Variants in PPIL6 observed in about 807,000 individuals in gnomAD.
PPIL6 encodes the protein peptidylprolyl isomerase like 6.
PPIL6 carries 39 observed loss-of-function variants against 36.8 expected under a neutral mutation model. The observed-to-expected ratio is 1.06, with a 90% CI of 0.82 to 1.38. The LOEUF (loss-of-function observed/expected upper bound fraction) is 1.38, where lower values mean the gene tolerates loss of function less well. Among genes scored for constraint, PPIL6 ranks in the 40% most tolerant of loss-of-function variants. The probability of loss-of-function intolerance (pLI) is 0.00; values close to 1 mark genes in which losing one functional copy is unlikely to be tolerated. For synonymous variants in PPIL6, 123 were observed against 134.1 expected (o/e 0.92, Z 0.57); for missense variants, 368 against 379.1 (o/e 0.97, Z 0.24).
In PPIL6 at chr6:109,390,490, C is replaced by T. The variant is rs573372482; in HGVS notation, c.*2336G>A. ...GGGTCAGTTGAGAATGTAACATAGG[C>T]GGTCTGCTTCCTCCCATCCACCTCA... On this transcript the variant is annotated 3_prime_UTR_variant, in exon 8 of 8. Transcript: ENST00000521072. 3.9e-5 allele frequency: 6 copies of T among 152,176 alleles called. No homozygotes were observed. The highest frequency in any genetic ancestry group is 7.3e-5 in the Non-Finnish European group (5 of 68,048). The allele number at this position is 152,176 out of a possible 1,614,324, so 9.4% of individuals were successfully genotyped here.
upstream of PPIL6, chr6:109,440,836 C>G: frequency 2.4e-6 from 1 of 415,214 alleles, no homozygotes; most frequent in Non-Finnish European, 4.2e-6. Flanking sequence ...GCTCTCCGGA[C>G]CCCCAGGGTC....
intron 1 of PPIL6, among the ~76,000 whole-genome samples, chr6:109,439,698 CATTA>C (rs772987644): frequency 3.3e-5 from 5 of 152,216 alleles, no homozygotes; most frequent in Non-Finnish European, 7.3e-5. Context: ...GAGTTAAAAA[CATTA>C]ATTAAGGCAT....
chr6:109,401,787 C>T (rs1024515390), intron 6 of PPIL6, among the ~76,000 whole-genome samples: 7 of 133,242 alleles, frequency 5.3e-5, no homozygotes, highest in African/African-American at 2.2e-4. Flanking sequence ...TGCAGTGGCG[C>T]GGTCTTGGTT....
intron 5 of PPIL6, among the ~76,000 whole-genome samples, chr6:109,425,699 G>A (rs559394299): frequency 4.0e-5 from 6 of 148,288 alleles, no homozygotes; most frequent in East Asian, 2.0e-4. Context: ...GCAGTGAGCC[G>A]AGATCGTGCC....
At chr6:109,419,319 T>C (rs1012584859) in intron 5 of PPIL6, 76 bp from the exon 6 acceptor site, 5 of 1,036,902 alleles carry the variant, frequency 4.8e-6, no homozygotes, top group Non-Finnish European at 7.4e-6. Context: ...AGGGAAAAAA[T>C]TTTGCTTTCA....
Position 109,391,905 on chromosome 6 carries a change from A to T in PPIL6, c.*921T>A, listed in dbSNP as rs1772110081. ...AATGAATTGCTTTTTCTTCTGCATC[A>T]TTCCTATTTGGTTACTTACCAAGTT... On this transcript the variant is annotated 3_prime_UTR_variant, in exon 8 of 8. Coordinates refer to ENST00000521072, the MANE Select transcript of PPIL6 (RefSeq NM_173672.5). The T allele has an allele frequency of 6.6e-6, 1 of 152,236 alleles. No homozygotes were observed. The highest frequency in any genetic ancestry group is 1.5e-5 in the Non-Finnish European group (1 of 68,046). 9.4% of individuals were successfully genotyped at this position (152,236 alleles called of 1,614,324 possible).
Position 109,436,121 on chromosome 6 carries a change from G to T in PPIL6, c.214C>A (p.Leu72Ile), listed in dbSNP as rs1232086193. Residue 72 changes from leucine to isoleucine, a missense_variant, in exon 2 of 8, where the codon CTA becomes ATA. Leu to Ile is a conservative substitution (Grantham distance 5). Coordinates refer to ENST00000521072, the MANE Select transcript of PPIL6 (RefSeq NM_173672.5). ...TCCTTTACCCTTTTTTTCTCCTGTA[G>T]ATATTGATGCCATGCAAATTCTTGA... is the stretch of plus-strand genomic sequence containing the variant. The part of the protein sequence containing the change: ...PLQEFAWHQY[L>I]QEKKRELKNE... 2 of 1,569,318 alleles carry T rather than the reference G, an allele frequency of 1.3e-6. No homozygotes were observed. Among genetic ancestry groups the T allele is most frequent in the Non-Finnish European group, 8.8e-7 (1 of 1,139,858 alleles).
Position 109,426,855 on chromosome 6 carries a change from TG to T in PPIL6, c.622del (p.Gln208LysfsTer5), listed in dbSNP as rs757260745. 27 of 1,526,240 alleles carry T rather than the reference TG, an allele frequency of 1.8e-5. No homozygotes were observed. The highest frequency in any genetic ancestry group is 2.4e-5 in the Non-Finnish European group (27 of 1,124,150). 94.5% of individuals were successfully genotyped at this position (1,526,240 alleles called of 1,614,324 possible). A position where few individuals can be genotyped will look rare whatever the true frequency, so the allele number is the denominator to read the frequency against. The part of the protein sequence containing the change: ...FHRIVQNGWI[Q>X]GGDIVYGKGD... ...TAAGATTTTAAACTTACCCCCTCCT[TG>T]TATCCAGCCATTCTGTACTATTCGA... On this transcript the variant is annotated frameshift_variant, in exon 5 of 8. Coordinates refer to ENST00000521072, the MANE Select transcript of PPIL6 (RefSeq NM_173672.5). LOFTEE classifies it high-confidence loss of function.
chr6:109,401,744 A>G (rs1184524069), intron 6 of PPIL6, among the ~76,000 whole-genome samples: 1 of 146,622 alleles, frequency 6.8e-6, no homozygotes, highest in African/African-American at 2.6e-5. Flanking sequence ...TTTTTTTGTG[A>G]GATGGAGTCT....
intron 1 of PPIL6, among the ~76,000 whole-genome samples, chr6:109,437,059 A>G (rs1038417688): frequency 2.0e-5 from 3 of 152,246 alleles, no homozygotes; most frequent in African/African-American, 7.2e-5. Context: ...GTACGAAATC[A>G]GTTTAGGTTT....
intron 6 of PPIL6, among the ~76,000 whole-genome samples, chr6:109,412,637 G>A (rs1271993586): frequency 6.6e-6 from 1 of 152,114 alleles, no homozygotes; most frequent in African/African-American, 2.4e-5. Context: ...AACATAAGCT[G>A]AGGAAAAGAC....
intron 7 of PPIL6, among the ~76,000 whole-genome samples, chr6:109,393,182 G>T (rs559563433): frequency 3.3e-5 from 5 of 151,420 alleles, no homozygotes; most frequent in Non-Finnish European, 7.4e-5. Flanking sequence ...CCATCTGCTT[G>T]GCACCCTCCC....
chr6:109,435,554 C>T (rs1199138398), intron 2 of PPIL6, among the ~76,000 whole-genome samples: 1 of 152,076 alleles, frequency 6.6e-6, no homozygotes, highest in African/African-American at 2.4e-5. Context: ...CCTTGGCCTC[C>T]CAAAGTGCTG....
chr6:109,400,314 T>C (rs1012759135), intron 6 of PPIL6, 144 bp from the exon 7 acceptor site: 1 of 696,702 alleles, frequency 1.4e-6, no homozygotes, highest in Non-Finnish European at 2.2e-6. Flanking sequence ...TCTATTCATT[T>C]CAAATTATTT....
At chr6:109,428,907 C>T (rs1167945320) in intron 3 of PPIL6, among the ~76,000 whole-genome samples, 1 of 152,166 alleles carries the variant, frequency 6.6e-6, no homozygotes, top group African/African-American at 2.4e-5. Flanking sequence ...AATGGACTTA[C>T]TGTCCATTCA....
At chr6:109,432,015 G>A (rs376177268) in intron 2 of PPIL6, among the ~76,000 whole-genome samples, 2 of 152,094 alleles carry the variant, frequency 1.3e-5, no homozygotes, top group African/African-American at 2.4e-5. Flanking sequence ...CTTTTAGGTC[G>A]ACACATTAAT....
In PPIL6 at chr6:109,427,272, T is replaced by C. The variant is rs1773873962; in HGVS notation, c.421-116A>G. 6.5e-6 allele frequency: 4 copies of C among 617,000 alleles called. No homozygotes were observed. The East Asian group carries it at 8.3e-5, about 13-fold the overall frequency. 38.2% of individuals were successfully genotyped at this position (617,000 alleles called of 1,614,324 possible). The stretch of plus-strand genomic sequence containing the variant: ...TTTAGTGAAAAGATTTCAATAACAT[T>C]ACCAATGGATAATATTACAGTAAAA... On this transcript the variant is annotated intron_variant, in intron 3 of 7. Transcript: ENST00000521072.
chr6:109,395,712 C>T (rs532144541), intron 7 of PPIL6, among the ~76,000 whole-genome samples: 241 of 151,104 alleles, frequency 1.6e-3, no homozygotes, highest in African/African-American at 5.6e-3. Flanking sequence ...TCAAGCGATT[C>T]TCCTGCCTCA....
intron 6 of PPIL6, among the ~76,000 whole-genome samples, chr6:109,406,428 G>A (rs899542605): frequency 3.3e-5 from 5 of 152,074 alleles, no homozygotes; most frequent in African/African-American, 1.2e-4. Context: ...ATCGGCAGCT[G>A]AGTCCAGAGG....
Sources: gnomAD v4.1 joint callset for allele counts (sites outside exome capture counted in the v4.1 genomes callset) on GRCh38, gnomAD v4.1.1 for gene constraint, MANE v1.5 for transcripts, NCBI Gene and HGNC (gene_info 2026-07-23, HGNC 2026-07-21) for gene names.